LRCH1: variants seen among roughly 807,000 people sequenced by gnomAD.
LRCH1 encodes the protein leucine-rich repeat and calponin homology domain-containing protein 1.
In LRCH1, 23 loss-of-function variants were observed where a neutral mutation model predicts 94.9. The observed-to-expected ratio is 0.24, with a 90% CI of 0.17 to 0.34. The LOEUF (loss-of-function observed/expected upper bound fraction) is 0.34, where lower values mean the gene tolerates loss of function less well. Among genes scored for constraint, LRCH1 ranks in the 10% least tolerant of loss-of-function variants. The probability of loss-of-function intolerance (pLI) is 1.00; values close to 1 mark genes in which losing one functional copy is unlikely to be tolerated. For missense variants in LRCH1, 790 were observed against 945.9 expected, an observed-to-expected ratio of 0.84 and a Z score of 2.16; for synonymous variants, 364 against 354.9, an observed-to-expected ratio of 1.03 and a Z score of -0.29.
At chr13:46,593,634 G>C (rs2050526759) in intron 1 of LRCH1, among the ~76,000 whole-genome samples, 1 of 152,326 alleles carries the variant, frequency 6.6e-6, no homozygotes, top group East Asian at 1.9e-4. Flanking sequence ...CCGTGGGCAG[G>C]TCTGTGAGTT....
At chr13:46,666,184 T>C (rs1326642098) in intron 2 of LRCH1, among the ~76,000 whole-genome samples, 4 of 152,168 alleles carry the variant, frequency 2.6e-5, no homozygotes, top group Non-Finnish European at 5.9e-5. Context: ...ACAAGACATA[T>C]ATGGAACATA....
At chr13:46,581,833 T>TC (rs1164145110) in intron 1 of LRCH1, among the ~76,000 whole-genome samples, 3 of 152,192 alleles carry the variant, frequency 2.0e-5, no homozygotes, top group South Asian at 2.1e-4. Flanking sequence ...TCTTTTTTTG[T>TC]CCCCCCATTC....
chr13:46,648,669 T>TTATATCTATTATAAATTATATA (rs1422115221), intron 1 of LRCH1, among the ~76,000 whole-genome samples: 1 of 152,212 alleles, frequency 6.6e-6, no homozygotes, highest in African/African-American at 2.4e-5. Context: ...TAGATATAAT[T>TTATATCTATTATAAATTATATA]GAGATAATTG....
chr13:46,673,936 G>A (rs751639174), intron 3 of LRCH1, among the ~76,000 whole-genome samples: 6 of 151,922 alleles, frequency 3.9e-5, no homozygotes, highest in African/African-American at 7.3e-5. Flanking sequence ...ACGTACCACT[G>A]CACCCAGCTA....
intron 1 of LRCH1, among the ~76,000 whole-genome samples, chr13:46,590,890 C>T (rs764243696): frequency 2.6e-5 from 4 of 152,096 alleles, no homozygotes; most frequent in Admixed American, 6.5e-5. Context: ...ATATCAGTGA[C>T]TGTCCTTTTC....
intron 1 of LRCH1, among the ~76,000 whole-genome samples, chr13:46,561,868 A>G (rs1438805277): frequency 6.6e-6 from 1 of 152,236 alleles, no homozygotes; most frequent in Non-Finnish European, 1.5e-5. Flanking sequence ...CCTTTCTTGC[A>G]GATGTCAGCA....
At position 46,644,791 on chromosome 13, in the gene LRCH1, T is replaced by C. The variant is rs1247293128; in HGVS notation, c.308-5410T>C. Among the ~76,000 whole-genome samples the C allele has an allele frequency of 3.3e-5, 5 of 152,366 alleles. No individual in the cohort carries two copies. The East Asian group carries it at 9.6e-4, about 29-fold the overall frequency. On this transcript the variant is annotated intron_variant, in intron 1 of 19. Coordinates refer to ENST00000389797, the MANE Select transcript of LRCH1 (RefSeq NM_001164211.2). ...GAAGCCCATTGTTACCTTATAACTT[T>C]ATGAATGTATAATGTGTAGCCTGGC...
chr13:46,650,851 G>A (rs1019917733), intron 2 of LRCH1, among the ~76,000 whole-genome samples: 8 of 152,008 alleles, frequency 5.3e-5, no homozygotes, highest in African/African-American at 9.7e-5. Flanking sequence ...GAGGAGCACT[G>A]AACAACTCTA....
At chr13:46,717,973 A>T (rs1872405102) in intron 16 of LRCH1, among the ~76,000 whole-genome samples, 1 of 152,124 alleles carries the variant, frequency 6.6e-6, no homozygotes, top group Non-Finnish European at 1.5e-5. Flanking sequence ...ATGAAGGAGG[A>T]TGTGGACGTT....
At chr13:46,713,119 A>G (rs896290942) in intron 15 of LRCH1, among the ~76,000 whole-genome samples, 2 of 152,236 alleles carry the variant, frequency 1.3e-5, no homozygotes, top group African/African-American at 4.8e-5. Context: ...TATATTACCA[A>G]TTTTAATTTG....
intron 16 of LRCH1, among the ~76,000 whole-genome samples, chr13:46,715,917 C>G (rs1347796677): frequency 6.6e-6 from 1 of 151,754 alleles, no homozygotes; most frequent in East Asian, 1.9e-4. Context: ...CTTTTCTCCC[C>G]TTTTCTGCTT....
intron 1 of LRCH1, among the ~76,000 whole-genome samples, chr13:46,572,650 T>C (rs1430744170): frequency 6.6e-6 from 1 of 152,080 alleles, no homozygotes; most frequent in Non-Finnish European, 1.5e-5. Flanking sequence ...ATATGGAAGA[T>C]AGAATAAGAA....
chr13:46,746,538 C>CA (rs944315201), downstream of LRCH1, among the ~76,000 whole-genome samples: 125 of 152,110 alleles, frequency 8.2e-4, no homozygotes, highest in African/African-American at 2.9e-3. Context: ...AGAAACACAA[C>CA]AAAAAAAGCC....
intron 1 of LRCH1, among the ~76,000 whole-genome samples, chr13:46,601,116 A>G (rs1214189248): frequency 6.6e-6 from 1 of 152,210 alleles, no homozygotes; most frequent in Admixed American, 6.5e-5. Flanking sequence ...CTCCATTGTC[A>G]CTTAGACTAG....
downstream of LRCH1, among the ~76,000 whole-genome samples, chr13:46,745,489 G>C: frequency 6.6e-6 from 1 of 152,042 alleles, no homozygotes; most frequent in Non-Finnish European, 1.5e-5. Context: ...CAGGTGGAGT[G>C]GGGAGGGGAG....
chr13:46,650,941 CATTG>C (rs1325347551), intron 2 of LRCH1, among the ~76,000 whole-genome samples: 1 of 152,180 alleles, frequency 6.6e-6, no homozygotes, highest in African/African-American at 2.4e-5. Context: ...TAGTAATGTG[CATTG>C]ATTGATTATG....
At chr13:46,659,019 A>G (rs866193822) in intron 2 of LRCH1, among the ~76,000 whole-genome samples, 2 of 152,088 alleles carry the variant, frequency 1.3e-5, no homozygotes, top group Non-Finnish European at 2.9e-5. Context: ...GGGGCTTCAC[A>G]TTTCCTCCAT....
chr13:46,581,650 G>A lies in LRCH1; in HGVS notation c.307+27947G>A, dbSNP rs111643038. On this transcript the variant is annotated intron_variant, in intron 1 of 19. Coordinates refer to ENST00000389797, the MANE Select transcript of LRCH1 (RefSeq NM_001164211.2). ...TAAGTAATTTTTCTGTTGAGAAATG[G>A]ACCTATCAGGGGTTGAACCCAAGCA... is the stretch of plus-strand genomic sequence containing the variant. Among the ~76,000 whole-genome samples the A allele has an allele frequency of 3.5e-3, 526 of 152,314 alleles. 2 individuals are homozygous for A. The highest frequency in any genetic ancestry group is 5.0e-3 in the Non-Finnish European group (338 of 68,022).
At chr13:46,639,669 C>T (rs2051135403) in intron 1 of LRCH1, among the ~76,000 whole-genome samples, 2 of 152,184 alleles carry the variant, frequency 1.3e-5, no homozygotes, top group African/African-American at 4.8e-5. Flanking sequence ...TTGCTGTTGG[C>T]CTGCTCGGCC....
Sources: gnomAD v4.1 joint callset for allele counts (sites outside exome capture counted in the v4.1 genomes callset) on GRCh38, gnomAD v4.1.1 for gene constraint, MANE v1.5 for transcripts, NCBI Gene and HGNC (gene_info 2026-07-23, HGNC 2026-07-21) for gene names.